The following UMPS variants were observed in gnomAD, a reference collection of about 807,000 sequenced individuals.
The protein encoded by UMPS is uridine monophosphate synthetase, also known as uridine 5'-monophosphate synthase.
In UMPS, 21 loss-of-function variants were observed where a neutral mutation model predicts 38.9. The ratio of observed to expected loss-of-function variants is 0.54; its 90% CI spans 0.38 to 0.78. The LOEUF is 0.78. UMPS is among the 30% of genes least tolerant of loss of function. The pLI is 0.00. For synonymous variants in UMPS, 208 were observed against 219.3 expected, an observed-to-expected ratio of 0.95 and a Z score of 0.45; for missense variants, 533 against 591.6, an observed-to-expected ratio of 0.90 and a Z score of 1.03.
rs1334922896 is a variant in UMPS at position 124,744,954 on chromosome 3, A to C, written c.*870A>C. ...GAAGGTGACTATAGCTCAGCTCCTG[A>C]GCTAGTATCTGGCTGTTATTTCAAC... is the stretch of plus-strand genomic sequence containing the variant. On this transcript the variant is annotated 3_prime_UTR_variant, in exon 6 of 6. Coordinates refer to ENST00000232607, the MANE Select transcript of UMPS (RefSeq NM_000373.4). The C allele has an allele frequency of 2.2e-6, 1 of 453,876 alleles. No individual in the cohort carries two copies. The highest frequency in any genetic ancestry group is 2.0e-5 in the African/African-American group (1 of 49,956). The allele number at this position is 453,876 out of a possible 1,614,324, so 28.1% of individuals were successfully genotyped here. A position where few individuals can be genotyped will look rare whatever the true frequency, so the allele number is the denominator to read the frequency against.
Position 124,746,755 on chromosome 3 carries a change from TTGTGTGTGTGTGTGTGTGTGTGTGTGTG to T in UMPS, c.*2686_*2713del. ...ATTCTGTAGAACATAAGCCCATAGA[TTGTGTGTGTGTGTGTGTGTGTGTGTGTG>T]TGTGTGTGTGTGTGCATGCGCGCGC... On this transcript the variant is annotated 3_prime_UTR_variant, in exon 6 of 6. Transcript: ENST00000232607. 4.3e-5 allele frequency: 18 copies of T among 418,994 alleles called. No homozygotes were observed. The highest frequency in any genetic ancestry group is 3.0e-4 in the South Asian group (18 of 59,230). 26.0% of individuals were successfully genotyped at this position (418,994 alleles called of 1,614,324 possible).
At position 124,737,669 on chromosome 3, in the gene UMPS, G is replaced by T. The variant is rs1468799953; in HGVS notation, c.412G>T (p.Val138Phe). The T allele has an allele frequency of 5.0e-6, 8 of 1,614,226 alleles. No individual in the cohort carries two copies. In the East Asian group the frequency reaches 1.1e-4, roughly 22 times the overall value. Residue 138 changes from valine (V) to phenylalanine (F), a missense_variant, in exon 3 of 6, where the codon GTT (valine) becomes TTT (phenylalanine). By Grantham distance (50) the Val-to-Phe change is conservative. Transcript: ENST00000232607. Reference sequence around the variant, plus strand: ...ATCTAGTGTTTTGGAAACTGTTGAGGTTCTTCAGAAGGAGGGCTTGAAGGT... The same window carrying T: ...ATCTAGTGTTTTGGAAACTGTTGAGTTTCTTCAGAAGGAGGGCTTGAAGGT... ...SGSSVLETVE[V>F]LQKEGLKVTD...
chr3:124,742,094 C>A, intron 4 of UMPS, 58 bp from the exon 5 acceptor site: 118 of 1,084,280 alleles, frequency 1.1e-4, no homozygotes, highest in Middle Eastern at 2.6e-4. Flanking sequence ...CATATTTTTA[C>A]TTTTATTCTG....
Position 124,743,923 on chromosome 3 carries a change from C to A in UMPS, c.1282C>A (p.Leu428Ile), listed in dbSNP as rs1385016614. The change falls in exon 6 of 6, where the codon CTT becomes ATT. Residue 428 changes from leucine to isoleucine, a missense_variant. Physicochemically the swap from Leu to Ile is conservative, Grantham distance 5. Coordinates refer to ENST00000232607, the MANE Select transcript of UMPS (RefSeq NM_000373.4). The stretch of plus-strand genomic sequence containing the variant: ...TTTTGTGTTTCTTGCAGGAGATAAT[C>A]TTGGCCAACAGTACAATAGCCCACA... ...GVQLEAGGDNLGQQYNSPQEV... is the reference protein window; with the variant it reads ...GVQLEAGGDNIGQQYNSPQEV... The A allele has an allele frequency of 6.2e-7, 1 of 1,614,008 alleles. No homozygotes were observed. Among genetic ancestry groups the A allele is most frequent in the African/African-American group, 1.3e-5 (1 of 74,936 alleles).
intron 3 of UMPS, chr3:124,738,479 ACT>A: frequency 4.0e-6 from 2 of 496,380 alleles, no homozygotes; most frequent in Admixed American, 6.6e-5. Context: ...CAAACCAATC[ACT>A]CTAGCTTGGG....
rs990270787 is a variant in UMPS, at chr3:124,749,107, T to C, written c.*5023T>C. 4.4e-6 allele frequency: 2 copies of C among 454,002 alleles called. No individual in the cohort carries two copies. Among genetic ancestry groups the C allele is most frequent in the Non-Finnish European group, 8.8e-6 (2 of 226,812 alleles). 28.1% of individuals were successfully genotyped at this position (454,002 alleles called of 1,614,324 possible). The stretch of plus-strand genomic sequence containing the variant: ...AGACTTGGGGAGGATCCTGAAATGA[T>C]TGTATTTAACAAGACATGCTGTCCT... On this transcript the variant is annotated 3_prime_UTR_variant, in exon 6 of 6. Coordinates refer to ENST00000232607, the MANE Select transcript of UMPS (RefSeq NM_000373.4).
At chr3:124,731,430 C>G (rs535581035) in intron 1 of UMPS, 2 of 347,310 alleles carry the variant, frequency 5.8e-6, no homozygotes, top group South Asian at 4.9e-5. Flanking sequence ...CTTAATGTAC[C>G]TGGAATGTGT....
At position 124,741,907 on chromosome 3, in the gene UMPS, A is replaced by C. The variant is rs540617675; in HGVS notation, c.1159-245A>C. On this transcript the variant is annotated intron_variant, in intron 4 of 5. Transcript: ENST00000232607. ...GAGAAAAGGCATCTATAATACAGCA[A>C]AGTTTCTAACTAGATAATAGAGCAT... Among the ~76,000 whole-genome samples, 16 of 152,180 alleles carry C rather than the reference A, an allele frequency of 1.1e-4. 1 individual carries two copies. In the South Asian group the frequency reaches 3.3e-3, roughly 32 times the overall value.
rs751900692 is a variant in UMPS, at chr3:124,747,660, G to A, written c.*3576G>A. The A allele has an allele frequency of 2.4e-5, 11 of 452,950 alleles. No homozygotes were observed. The highest frequency in any genetic ancestry group is 1.6e-4 in the South Asian group (10 of 64,476). The allele number at this position is 452,950 out of a possible 1,614,324, so 28.1% of individuals were successfully genotyped here. ...GTAGTGCATGCCATGGAGTTCCAGGGTGGTTTATTACACGGCAATATCTAG... is the reference window on the plus strand; with the variant it reads ...GTAGTGCATGCCATGGAGTTCCAGGATGGTTTATTACACGGCAATATCTAG... On this transcript the variant is annotated 3_prime_UTR_variant, in exon 6 of 6. Transcript: ENST00000232607.
chr3:124,730,813 C>T (rs988996655), intron 1 of UMPS, among the ~76,000 whole-genome samples, 186 bp downstream of exon 1: 1 of 152,122 alleles, frequency 6.6e-6, no homozygotes, highest in Non-Finnish European at 1.5e-5. Flanking sequence ...CCTCGAGAGT[C>T]GTCTGTTCTT....
At chr3:124,743,144 G>C (rs1015764979) in intron 5 of UMPS, among the ~76,000 whole-genome samples, 2 of 152,162 alleles carry the variant, frequency 1.3e-5, no homozygotes, top group African/African-American at 4.8e-5. Flanking sequence ...GACCAGCTTG[G>C]CCGACATGGT....
Position 124,745,923 on chromosome 3 carries a change from T to C in UMPS, c.*1839T>C, listed in dbSNP as rs2063593119. 2.2e-6 allele frequency: 1 copy of C among 452,416 alleles called. No individual in the cohort carries two copies. The highest frequency in any genetic ancestry group is 2.4e-5 in the Admixed American group (1 of 42,340). 28.0% of individuals were successfully genotyped at this position (452,416 alleles called of 1,614,324 possible). On this transcript the variant is annotated 3_prime_UTR_variant, in exon 6 of 6. Coordinates refer to ENST00000232607, the MANE Select transcript of UMPS (RefSeq NM_000373.4). ...TCACCTGGAGTCTTGTCAAAACAGG[T>C]ACCAGCCCCACCCGCAGCGTTTCTG...
chr3:124,747,866 G>A lies in UMPS; in HGVS notation c.*3782G>A. 4.4e-6 allele frequency: 2 copies of A among 453,658 alleles called. No individual in the cohort carries two copies. The highest frequency in any genetic ancestry group is 8.8e-6 in the Non-Finnish European group (2 of 226,430). The allele number at this position is 453,658 out of a possible 1,614,324, so 28.1% of individuals were successfully genotyped here. A position where few individuals can be genotyped will look rare whatever the true frequency, so the allele number is the denominator to read the frequency against. On this transcript the variant is annotated 3_prime_UTR_variant, in exon 6 of 6. Coordinates refer to ENST00000232607, the MANE Select transcript of UMPS (RefSeq NM_000373.4). ...GTGAATCCTGTACTTTAACACAGTG[G>A]ACCAAGTGTCAGTCATTGAAAATGA... is the stretch of plus-strand genomic sequence containing the variant.
At chr3:124,737,263 TA>T (rs920043859) in intron 2 of UMPS, 1,053 of 291,466 alleles carry the variant, frequency 3.6e-3, no homozygotes, top group Middle Eastern at 5.6e-3. Context: ...TTTTTTAAAG[TA>T]AAAAAAAAAC....
Position 124,747,185 on chromosome 3 carries a change from T to C in UMPS, c.*3101T>C. The C allele has an allele frequency of 2.2e-6, 1 of 453,568 alleles. No individual in the cohort carries two copies. The highest frequency in any genetic ancestry group is 4.4e-6 in the Non-Finnish European group (1 of 226,410). 28.1% of individuals were successfully genotyped at this position (453,568 alleles called of 1,614,324 possible). On this transcript the variant is annotated 3_prime_UTR_variant, in exon 6 of 6. Transcript: ENST00000232607. The stretch of plus-strand genomic sequence containing the variant: ...AACTACAGGCGTGCACCACCACAGC[T>C]GGTTAATTTTTAAAATTTTTTGTAG...
At chr3:124,734,880 G>T (rs1330865625) in intron 1 of UMPS, among the ~76,000 whole-genome samples, 3 of 152,122 alleles carry the variant, frequency 2.0e-5, no homozygotes, top group Non-Finnish European at 4.4e-5. Context: ...AATTAGCTGG[G>T]TGTAGTGGTG....
At chr3:124,735,555 T>G (rs1263467882) in intron 2 of UMPS, among the ~76,000 whole-genome samples, 1 of 152,176 alleles carries the variant, frequency 6.6e-6, no homozygotes, top group Non-Finnish European at 1.5e-5. Flanking sequence ...ACTTTCCCAG[T>G]ATGTTTGTAT....
At chr3:124,741,890 G>C (rs1212666414) in intron 4 of UMPS, among the ~76,000 whole-genome samples, 1 of 151,916 alleles carries the variant, frequency 6.6e-6, no homozygotes, top group Non-Finnish European at 1.5e-5. Context: ...ATGAGAAAAG[G>C]CATCTATAAT....
In UMPS at chr3:124,744,200, C is replaced by A. The variant is rs777583758; in HGVS notation, c.*116C>A. On this transcript the variant is annotated 3_prime_UTR_variant, in exon 6 of 6. Transcript: ENST00000232607. ...TCCTGCTTGGATTCTTCCACAGGGC[C>A]TGTGTAAGAATGGGTTCTGGAGTTC... is the stretch of plus-strand genomic sequence containing the variant. 1.5e-6 allele frequency: 2 copies of A among 1,293,370 alleles called. No individual in the cohort carries two copies. The highest frequency in any genetic ancestry group is 1.2e-5 in the South Asian group (1 of 80,164). 80.1% of individuals were successfully genotyped at this position (1,293,370 alleles called of 1,614,324 possible).
Sources: allele counts gnomAD v4.1 joint callset (sites outside exome capture counted in the v4.1 genomes callset), GRCh38; gene constraint gnomAD v4.1.1; transcripts MANE v1.5; gene names NCBI Gene and HGNC (gene_info 2026-07-23, HGNC 2026-07-21).